GADD45GIP1: variants seen among roughly 807,000 people sequenced by gnomAD.
The protein encoded by GADD45GIP1 is GADD45G interacting protein 1.
GADD45GIP1 carries 17 observed loss-of-function variants against 22.1 expected under a neutral mutation model. The observed-to-expected ratio is 0.77, with a 90% CI of 0.53 to 1.15. The LOEUF (loss-of-function observed/expected upper bound fraction) is 1.15. Ranked by LOEUF, GADD45GIP1 falls within the 50% of genes most tolerant of loss-of-function variation. The pLI, the probability that GADD45GIP1 is intolerant of heterozygous loss-of-function variation, is 0.00. For synonymous variants in GADD45GIP1, 135 were observed against 138.4 expected (o/e 0.98, Z 0.17); for missense variants, 294 against 314.0 (o/e 0.94, Z 0.48).
chr19:12,956,868 C>T lies in GADD45GIP1; in HGVS notation c.345G>A (p.Arg115=). Residue 115 remains arginine (R), a synonymous_variant, in exon 1 of 2, where the codon CGG becomes CGA. Transcript: ENST00000316939. ...GTCTGCCTGCACGCACGCACCTCTC[C>T]CGACGCTTCTGCTCTTCGGCCAGCT... ...VKQLAEEQKR[R]EREQHIAECM... is the part of the protein sequence containing the mutation. The T allele has an allele frequency of 6.3e-7, 1 of 1,597,890 alleles. No individual in the cohort carries two copies.
Position 12,954,165 on chromosome 19 carries a change from G to A in GADD45GIP1, c.*43C>T. 1 of 1,538,156 alleles carries A rather than the reference G, an allele frequency of 6.5e-7. No homozygotes were observed. The highest frequency in any genetic ancestry group is 8.9e-7 in the Non-Finnish European group (1 of 1,122,606). ...CTTGAGAGGACGCAGATCTCTTCAG[G>A]GGTACTGCCAGGTAGCAGGCTTTAT... On this transcript the variant is annotated 3_prime_UTR_variant, in exon 2 of 2. Coordinates refer to ENST00000316939, the MANE Select transcript of GADD45GIP1 (RefSeq NM_052850.4).
At chr19:12,956,726 T>C in intron 1 of GADD45GIP1, 137 bp downstream of exon 1, 1 of 688,612 alleles carries the variant, frequency 1.5e-6, no homozygotes, top group African/African-American at 1.9e-5. Flanking sequence ...GAGTTTGTTT[T>C]GCGGCCAGGT....
chr19:12,956,195 G>C (rs1971922173), intron 1 of GADD45GIP1, among the ~76,000 whole-genome samples: 1 of 152,172 alleles, frequency 6.6e-6, no homozygotes, highest in Admixed American at 6.5e-5. Context: ...CTTCCTACTA[G>C]TCGGCTGTCA....
intron 1 of GADD45GIP1, among the ~76,000 whole-genome samples, chr19:12,954,836 T>G (rs1307501000): frequency 1.3e-5 from 2 of 152,220 alleles, no homozygotes; most frequent in African/African-American, 4.8e-5. Flanking sequence ...TTCACACCTT[T>G]ATTTCATAGA....
rs747814159 is a variant in GADD45GIP1, at chr19:12,957,008, C to T, written c.205G>A (p.Gly69Arg). 1.9e-6 allele frequency: 3 copies of T among 1,598,094 alleles called. No individual in the cohort carries two copies. Among genetic ancestry groups the T allele is most frequent in the Non-Finnish European group, 2.5e-6 (3 of 1,179,194 alleles). The stretch of plus-strand genomic sequence containing the variant: ...GGCCATAACGAACCGGGGACCACCC[C>T]GGAGGCGGCGCCGTAACGCGCGAAC... The part of the protein sequence containing the change: ...KQFARYGAAS[G>R]VVPGSLWPSP... The change falls in exon 1 of 2, where the codon GGG (glycine) becomes AGG (arginine). Residue 69 changes from glycine (G) to arginine (R), a missense_variant. By Grantham distance (125) the Gly-to-Arg change is moderately radical (BLOSUM62 -2). Coordinates refer to ENST00000316939, the MANE Select transcript of GADD45GIP1 (RefSeq NM_052850.4).
At chr19:12,956,671 A>G (rs1407728708) in intron 1 of GADD45GIP1, among the ~76,000 whole-genome samples, 192 bp downstream of exon 1, 1 of 152,204 alleles carries the variant, frequency 6.6e-6, no homozygotes, top group East Asian at 1.9e-4. Context: ...ACAAACAAAC[A>G]AACAAACAAA....
Position 12,957,128 on chromosome 19 carries a change from G to T in GADD45GIP1, c.85C>A (p.Pro29Thr). The change falls in exon 1 of 2, where the codon CCG (proline) becomes ACG (threonine). Residue 29 changes from proline (P) to threonine (T), a missense_variant. Physicochemically the swap from Pro to Thr is conservative, Grantham distance 38. Coordinates refer to ENST00000316939, the MANE Select transcript of GADD45GIP1 (RefSeq NM_052850.4). ...GGTCCCGGCCTGCGGCGCGGGGGCG[G>T]CCGCGCCCGGTAGCCACGGGAACCC... is the stretch of plus-strand genomic sequence containing the variant. Reference protein sequence around the residue: ...APGSRGYRARPPPRRRPGPRW... With the variant: ...APGSRGYRARTPPRRRPGPRW... The T allele has an allele frequency of 7.1e-7, 1 of 1,413,348 alleles. No homozygotes were observed. Among genetic ancestry groups the T allele is most frequent in the Non-Finnish European group, 9.1e-7 (1 of 1,096,584 alleles). 87.6% of individuals were successfully genotyped at this position (1,413,348 alleles called of 1,614,324 possible).
At chr19:12,956,580 G>C (rs1040795664) in intron 1 of GADD45GIP1, among the ~76,000 whole-genome samples, 1 of 152,218 alleles carries the variant, frequency 6.6e-6, no homozygotes, top group Non-Finnish European at 1.5e-5. Flanking sequence ...CTTGAACCGG[G>C]GAGGCGGAGG....
rs914589903 is a variant in GADD45GIP1 at position 12,953,957 on chromosome 19, T to G, written c.*251A>C. 1.4e-5 allele frequency: 7 copies of G among 487,452 alleles called. No homozygotes were observed. Among genetic ancestry groups the G allele is most frequent in the South Asian group, 3.3e-5 (1 of 30,596 alleles). 30.2% of individuals were successfully genotyped at this position (487,452 alleles called of 1,614,324 possible). On this transcript the variant is annotated 3_prime_UTR_variant, in exon 2 of 2. Coordinates refer to ENST00000316939, the MANE Select transcript of GADD45GIP1 (RefSeq NM_052850.4). ...AGATGAATGTTGGTAAACAGAAGCC[T>G]TCTTCTCTTCTGCCATCTGCTTCTC...
intron 1 of GADD45GIP1, among the ~76,000 whole-genome samples, chr19:12,954,844 A>G (rs1300908312): frequency 6.6e-6 from 1 of 152,228 alleles, no homozygotes; most frequent in African/African-American, 2.4e-5. Flanking sequence ...TTTATTTCAT[A>G]GACATTGCTG....
chr19:12,955,098 TC>T (rs1246730856), intron 1 of GADD45GIP1, among the ~76,000 whole-genome samples: 2 of 152,148 alleles, frequency 1.3e-5, no homozygotes, highest in Admixed American at 6.6e-5. Context: ...CCTGATCCTC[TC>T]CCTCCACCCT....
chr19:12,956,273 G>A (rs78669979), intron 1 of GADD45GIP1, among the ~76,000 whole-genome samples: 23 of 152,260 alleles, frequency 1.5e-4, no homozygotes, highest in East Asian at 1.2e-3. Context: ...GGCCTGCCTC[G>A]GCCTCCCAAA....
chr19:12,957,221 T>A lies in GADD45GIP1; in HGVS notation c.-9A>T. ...CGCACGGACGCCGCCATCTTGGCTG[T>A]GCGGGGTCCTCACAGGCCCGCCGGG... is the stretch of plus-strand genomic sequence containing the variant. On this transcript the variant is annotated 5_prime_UTR_variant, in exon 1 of 2. Transcript: ENST00000316939. The A allele has an allele frequency of 7.2e-7, 1 of 1,384,920 alleles. No homozygotes were observed. Among genetic ancestry groups the A allele is most frequent in the Non-Finnish European group, 9.3e-7 (1 of 1,078,076 alleles). 85.8% of individuals were successfully genotyped at this position (1,384,920 alleles called of 1,614,324 possible).
chr19:12,956,016 T>G (rs1411326929), intron 1 of GADD45GIP1, among the ~76,000 whole-genome samples: 1 of 152,176 alleles, frequency 6.6e-6, no homozygotes, highest in African/African-American at 2.4e-5. Context: ...ATATCGTATC[T>G]CAGGGCATTT....
intron 1 of GADD45GIP1, among the ~76,000 whole-genome samples, chr19:12,954,740 C>T (rs1971902635): frequency 6.6e-6 from 1 of 152,182 alleles, no homozygotes; most frequent in South Asian, 2.1e-4. Flanking sequence ...GCATGTCAAG[C>T]CCCAGTAAAC....
Position 12,953,127 on chromosome 19 carries a change from T to A in GADD45GIP1, c.*1081A>T. 1.2e-6 allele frequency: 1 copy of A among 866,978 alleles called. No individual in the cohort carries two copies. Among genetic ancestry groups the A allele is most frequent in the Non-Finnish European group, 1.7e-6 (1 of 582,366 alleles). The allele number at this position is 866,978 out of a possible 1,614,324, so 53.7% of individuals were successfully genotyped here. A position where few individuals can be genotyped will look rare whatever the true frequency, so the allele number is the denominator to read the frequency against. ...TTTTATAAAAGAAAAAATATATATA[T>A]ATTCATGTTTATTTAAGAAATGGAA... On this transcript the variant is annotated 3_prime_UTR_variant, in exon 2 of 2. Transcript: ENST00000316939.
At chr19:12,955,173 C>T (rs1281350533) in intron 1 of GADD45GIP1, among the ~76,000 whole-genome samples, 2 of 152,204 alleles carry the variant, frequency 1.3e-5, no homozygotes, top group Admixed American at 6.5e-5. Context: ...TTAGCTCCCA[C>T]TTACAAGTGA....
chr19:12,955,148 A>G (rs1050888211), intron 1 of GADD45GIP1, among the ~76,000 whole-genome samples: 3 of 152,128 alleles, frequency 2.0e-5, no homozygotes, highest in African/African-American at 4.8e-5. Context: ...CTGTGTGTCC[A>G]TGTGTTCTCA....
intron 1 of GADD45GIP1, among the ~76,000 whole-genome samples, chr19:12,955,350 G>T (rs946379945): frequency 6.6e-6 from 1 of 152,212 alleles, no homozygotes; most frequent in African/African-American, 2.4e-5. Context: ...TCATCTGGCT[G>T]AGGAGGGGCA....
Sources: gnomAD v4.1 joint callset for allele counts (sites outside exome capture counted in the v4.1 genomes callset) on GRCh38, gnomAD v4.1.1 for gene constraint, MANE v1.5 for transcripts, NCBI Gene and HGNC (gene_info 2026-07-23, HGNC 2026-07-21) for gene names.